The following GABRA3 variants were observed in gnomAD, a reference collection of about 807,000 sequenced individuals.
GABRA3 encodes the protein gamma-aminobutyric acid receptor subunit alpha-3.
GABRA3 carries 10 observed loss-of-function variants against 30.1 expected under a neutral mutation model. The observed-to-expected ratio is 0.33, with a 90% CI of 0.20 to 0.56. The LOEUF (loss-of-function observed/expected upper bound fraction) is 0.56, where lower values mean the gene tolerates loss of function less well. Among genes scored for constraint, GABRA3 ranks in the 20% least tolerant of loss-of-function variants. The pLI, the probability that GABRA3 is intolerant of heterozygous loss-of-function variation, is 0.89. For missense variants in GABRA3, 233 were observed against 392.0 expected, an observed-to-expected ratio of 0.59 and a Z score of 3.42; for synonymous variants, 151 against 146.8, an observed-to-expected ratio of 1.03 and a Z score of -0.21.
At chrX:152,402,027 G>C (rs1438780493) in intron 1 of GABRA3, among the ~76,000 whole-genome samples, 1 of 111,722 alleles carries the variant, frequency 9.0e-6, no homozygotes, top group African/African-American at 3.3e-5. Context: ...TCACAGTTCA[G>C]CTTTATTTCA....
At chrX:152,323,879 T>C (rs1327438950) in intron 3 of GABRA3, among the ~76,000 whole-genome samples, 1 of 111,893 alleles carries the variant, frequency 8.9e-6, no homozygotes, top group Admixed American at 9.5e-5. Context: ...CAAGGATACG[T>C]TTGTTTCCCT....
chrX:152,315,115 C>G (rs960531256), intron 3 of GABRA3, among the ~76,000 whole-genome samples: 2 of 111,335 alleles, frequency 1.8e-5, no homozygotes, highest in African/African-American at 6.5e-5. Context: ...AGAGAACCCA[C>G]AGACCTTTTG....
chrX:152,200,479 TTTTC>T (rs1937468596), intron 7 of GABRA3, among the ~76,000 whole-genome samples: 1 of 111,959 alleles, frequency 8.9e-6, no homozygotes, highest in African/African-American at 3.2e-5. Flanking sequence ...TTCCCATCTC[TTTTC>T]TTTCTCTCTG....
intron 3 of GABRA3, among the ~76,000 whole-genome samples, chrX:152,321,358 G>A (rs181780975): frequency 5.4e-5 from 6 of 111,342 alleles, no homozygotes; most frequent in East Asian, 5.7e-4. Context: ...TTTTTATTAC[G>A]GTAAAATACA....
At chrX:152,332,368 T>G (rs1244452432) in intron 3 of GABRA3, among the ~76,000 whole-genome samples, 1 of 111,767 alleles carries the variant, frequency 8.9e-6, no homozygotes, top group Non-Finnish European at 1.9e-5. Context: ...CAAAAAAAGC[T>G]ATGCTAAGAT....
At position 152,387,137 on chromosome X, in the gene GABRA3, G is replaced by A. The variant is rs181595755; in HGVS notation, c.-26-22541C>T. 3.6e-3 allele frequency among the ~76,000 whole-genome samples: 359 copies of A among 98,672 alleles called. 1 individual carries two copies. The highest frequency in any genetic ancestry group is 0.012 in the African/African-American group (331 of 26,820). 85.7% of individuals were successfully genotyped at this position (98,672 alleles called of 115,157 possible). A position where few individuals can be genotyped will look rare whatever the true frequency, so the allele number is the denominator to read the frequency against. ...ACAGGAAGGGGAACATCACACTCTG[G>A]GGACTGTTGTGGGGTAGGGGGAGGG... On this transcript the variant is annotated intron_variant, in intron 1 of 9. Transcript: ENST00000370314.
At chrX:152,327,619 T>C (rs1450489472) in intron 3 of GABRA3, among the ~76,000 whole-genome samples, 7 of 111,448 alleles carry the variant, frequency 6.3e-5, no homozygotes, top group Non-Finnish European at 9.4e-5. Flanking sequence ...CATAACGAAA[T>C]GAAGGCAGAA....
intron 4 of GABRA3, among the ~76,000 whole-genome samples, chrX:152,275,051 G>T (rs1603230949): frequency 1.1e-5 from 1 of 89,296 alleles, no homozygotes; most frequent in East Asian, 3.4e-4. Context: ...TATAGGATAT[G>T]AATATATTTA....
chrX:152,247,469 A>C (rs1938478018), intron 5 of GABRA3, among the ~76,000 whole-genome samples: 1 of 111,384 alleles, frequency 9.0e-6, no homozygotes, highest in African/African-American at 3.3e-5. Flanking sequence ...AAGGGGAAAA[A>C]AGGTTTTCAC....
At chrX:152,375,313 T>C (rs1928966830) in intron 1 of GABRA3, among the ~76,000 whole-genome samples, 1 of 106,709 alleles carries the variant, frequency 9.4e-6, no homozygotes, top group Admixed American at 9.8e-5. Context: ...AATATATCTA[T>C]CATAGTTATT....
rs956254957 is a variant in GABRA3 at position 152,168,152 on chromosome X, G to A, written c.*76C>T. The A allele has an allele frequency of 2.4e-6, 2 of 824,130 alleles. No homozygotes were observed. The highest frequency in any genetic ancestry group is 2.0e-5 in the African/African-American group (1 of 49,458). 67.9% of individuals were successfully genotyped at this position (824,130 alleles called of 1,213,427 possible). A position where few individuals can be genotyped will look rare whatever the true frequency, so the allele number is the denominator to read the frequency against. On this transcript the variant is annotated 3_prime_UTR_variant, in exon 10 of 10. Transcript: ENST00000370314. The stretch of plus-strand genomic sequence containing the variant: ...AAAGGAGAATCCTGAAATACGCGAA[G>A]GGGAGCCCCGGGGTTTGGGTGCCTG...
chrX:152,196,520 C>A (rs1429185366), intron 8 of GABRA3, among the ~76,000 whole-genome samples: 1 of 110,212 alleles, frequency 9.1e-6, no homozygotes, highest in African/African-American at 3.3e-5. Context: ...ATAAAGGAAG[C>A]TTTTTCAGGG....
chrX:152,360,774 C>T (rs1186482740), intron 2 of GABRA3, among the ~76,000 whole-genome samples: 2 of 86,288 alleles, frequency 2.3e-5, no homozygotes, highest in African/African-American at 4.4e-5. Flanking sequence ...AAAAATGTTT[C>T]TAATTCAAGA....
At chrX:152,399,265 G>A (rs1259972059) in intron 1 of GABRA3, among the ~76,000 whole-genome samples, 1 of 111,560 alleles carries the variant, frequency 9.0e-6, no homozygotes, top group African/African-American at 3.3e-5. Context: ...GCTAAATTCA[G>A]ACAACACAGT....
At chrX:152,216,389 A>AACACACACAC (rs60255687) in intron 6 of GABRA3, among the ~76,000 whole-genome samples, 2 of 77,624 alleles carry the variant, frequency 2.6e-5, no homozygotes, top group Non-Finnish European at 5.1e-5. Context: ...ATAATATATA[A>AACACACACAC]ACACACACAC....
At chrX:152,364,831 C>A (rs1273688357) in intron 1 of GABRA3, among the ~76,000 whole-genome samples, 2 of 111,328 alleles carry the variant, frequency 1.8e-5, no homozygotes, top group Non-Finnish European at 3.8e-5. Context: ...CAGAGCCCAT[C>A]CAAGAAAGGA....
intron 9 of GABRA3, among the ~76,000 whole-genome samples, chrX:152,178,092 C>T (rs974212767): frequency 2.7e-5 from 3 of 111,424 alleles, no homozygotes; most frequent in African/African-American, 9.8e-5. Context: ...TGACACTCAG[C>T]ACTTTGTCCT....
intron 9 of GABRA3, among the ~76,000 whole-genome samples, chrX:152,181,272 G>A (rs1323308553): frequency 9.0e-6 from 1 of 111,475 alleles, no homozygotes; most frequent in African/African-American, 3.3e-5. Flanking sequence ...TTATTCCTAA[G>A]TATTTTATTA....
At chrX:152,374,683 T>A (rs1928949875) in intron 1 of GABRA3, among the ~76,000 whole-genome samples, 1 of 111,982 alleles carries the variant, frequency 8.9e-6, no homozygotes, top group African/African-American at 3.2e-5. Flanking sequence ...GCTTTTGATG[T>A]TTTTGTCATG....
Sources: allele counts gnomAD v4.1 joint callset (sites outside exome capture counted in the v4.1 genomes callset), GRCh38; gene constraint gnomAD v4.1.1; transcripts MANE v1.5; gene names NCBI Gene and HGNC (gene_info 2026-07-23, HGNC 2026-07-21).